The following MRPL50 variants were observed in gnomAD, a reference collection of about 807,000 sequenced individuals.
MRPL50 encodes the protein mitochondrial ribosomal protein L50.
MRPL50 carries 10 observed loss-of-function variants against 16.2 expected under a neutral mutation model. The observed-to-expected ratio is 0.62, with a 90% CI of 0.38 to 1.05. The LOEUF (loss-of-function observed/expected upper bound fraction) is 1.05, where lower values mean the gene tolerates loss of function less well. Ranked by LOEUF, MRPL50 falls within the 50% of genes least tolerant of loss-of-function variation. MRPL50 has a pLI of 0.01. For missense variants in MRPL50, 213 were observed against 187.1 expected (o/e 1.14, Z -0.81); for synonymous variants, 68 against 66.8 (o/e 1.02, Z -0.09).
chr9:101,391,062 A>G (rs1480017000), intron 1 of MRPL50, among the ~76,000 whole-genome samples: 4 of 152,122 alleles, frequency 2.6e-5, no homozygotes, highest in Non-Finnish European at 5.9e-5. Context: ...CATATTTTAC[A>G]TACTGTAAGA....
intron 1 of MRPL50, among the ~76,000 whole-genome samples, chr9:101,391,638 A>G (rs1258379123): frequency 6.6e-6 from 1 of 152,132 alleles, no homozygotes; most frequent in African/African-American, 2.4e-5. Context: ...AGCATATAAC[A>G]ATTATAAATA....
At chr9:101,395,444 C>G (rs1265815173) in intron 1 of MRPL50, among the ~76,000 whole-genome samples, 1 of 152,090 alleles carries the variant, frequency 6.6e-6, no homozygotes, top group African/African-American at 2.4e-5. Flanking sequence ...GTTAATCAGT[C>G]TAACAGAGAT....
chr9:101,388,378 T>C lies in MRPL50; in HGVS notation c.*2088A>G, dbSNP rs1304515007. The C allele has an allele frequency of 1.3e-5, 2 of 152,216 alleles. No individual in the cohort carries two copies. Among genetic ancestry groups the C allele is most frequent in the South Asian group, 2.1e-4 (1 of 4,826 alleles). 9.4% of individuals were successfully genotyped at this position (152,216 alleles called of 1,614,324 possible). A position where few individuals can be genotyped will look rare whatever the true frequency, so the allele number is the denominator to read the frequency against. On this transcript the variant is annotated 3_prime_UTR_variant, in exon 2 of 2. Transcript: ENST00000374865. ...GACCTTCTCATCCCTTATTTCCATC[T>C]TGCCCTTTGTTTTTCCGTGTCTCTG...
At position 101,390,591 on chromosome 9, in the gene MRPL50, G is replaced by A. The variant is rs765938903; in HGVS notation, c.352C>T (p.His118Tyr). 6.2e-7 allele frequency: 1 copy of A among 1,613,534 alleles called. No individual in the cohort carries two copies. Among genetic ancestry groups the A allele is most frequent in the South Asian group, 1.1e-5 (1 of 91,058 alleles). Residue 118 changes from histidine (H) to tyrosine (Y), a missense_variant, in exon 2 of 2, where the codon CAC becomes TAC. Physicochemically the swap from His to Tyr is moderately conservative, Grantham distance 83. Coordinates refer to ENST00000374865, the MANE Select transcript of MRPL50 (RefSeq NM_019051.3). ...LGHVVPNSRL[H>Y]QMCRVRDVLD... The stretch of plus-strand genomic sequence containing the variant: ...ACATCTCTAACCCTGCACATCTGGT[G>A]GAGTCTGGAGTTAGGGACTACATGA...
rs776354572 is a variant in MRPL50, at chr9:101,389,762, T to C, written c.*704A>G. Reference sequence around the variant, plus strand: ...ACTCAGCACCACTTTTTAAAAGTTATAGAGAAAAAGGTTTAAAATAAGCAT... The same window carrying C: ...ACTCAGCACCACTTTTTAAAAGTTACAGAGAAAAAGGTTTAAAATAAGCAT... On this transcript the variant is annotated 3_prime_UTR_variant, in exon 2 of 2. Transcript: ENST00000374865. 9.3e-6 allele frequency: 2 copies of C among 214,198 alleles called. No homozygotes were observed. Among genetic ancestry groups the C allele is most frequent in the Non-Finnish European group, 1.8e-5 (2 of 112,222 alleles). The allele number at this position is 214,198 out of a possible 1,614,324, so 13.3% of individuals were successfully genotyped here. A position where few individuals can be genotyped will look rare whatever the true frequency, so the allele number is the denominator to read the frequency against.
At chr9:101,396,541 C>CT (rs1830342450) in intron 1 of MRPL50, among the ~76,000 whole-genome samples, 2 of 151,976 alleles carry the variant, frequency 1.3e-5, no homozygotes, top group South Asian at 4.1e-4. Flanking sequence ...TTTATTCAGC[C>CT]TTAAAAAAGG....
At chr9:101,398,146 C>T (rs1211939117) in intron 1 of MRPL50, among the ~76,000 whole-genome samples, 1 of 152,174 alleles carries the variant, frequency 6.6e-6, no homozygotes, top group African/African-American at 2.4e-5. Context: ...TGTGAAGAAA[C>T]ACAGCCGGCA....
In MRPL50 at chr9:101,390,406, T is replaced by C. The variant is rs1302500030; in HGVS notation, c.*60A>G. ...CATGGTAAAGTATCAAAAGATCTAA[T>C]GAGCAGCCCCCTTGCTCAGGGAAAG... On this transcript the variant is annotated 3_prime_UTR_variant, in exon 2 of 2. Transcript: ENST00000374865. 2 of 1,541,744 alleles carry C rather than the reference T, an allele frequency of 1.3e-6. No individual in the cohort carries two copies. Among genetic ancestry groups the C allele is most frequent in the Non-Finnish European group, 1.7e-6 (2 of 1,147,724 alleles).
rs1279594966 is a variant in MRPL50, at chr9:101,390,805, C to T, written c.138G>A (p.Lys46=). The part of the protein sequence containing the change: ...PVVVETVEEK[K]EPILVCPPLR... ...AAGGTGGACACACTAGGATAGGTTCCTTTTTCTCTTCTACTGTCTCAACAA... is the reference window on the plus strand; with the variant it reads ...AAGGTGGACACACTAGGATAGGTTCTTTTTTCTCTTCTACTGTCTCAACAA... Residue 46 remains lysine (K), a synonymous_variant, in exon 2 of 2, where the codon AAG becomes AAA. Transcript: ENST00000374865. 1.2e-6 allele frequency: 2 copies of T among 1,610,982 alleles called. No individual in the cohort carries two copies. Among genetic ancestry groups the T allele is most frequent in the Admixed American group, 3.4e-5 (2 of 59,512 alleles).
intron 1 of MRPL50, among the ~76,000 whole-genome samples, chr9:101,394,010 A>AG (rs1261452378): frequency 1.3e-5 from 2 of 150,612 alleles, no homozygotes; most frequent in Admixed American, 6.6e-5. Flanking sequence ...AAAAAAAAAA[A>AG]AAGACCACAC....
Position 101,390,484 on chromosome 9 carries a change from T to G in MRPL50, c.459A>C (p.Lys153Asn). 6.2e-7 allele frequency: 1 copy of G among 1,611,262 alleles called. No individual in the cohort carries two copies. The highest frequency in any genetic ancestry group is 8.5e-7 in the Non-Finnish European group (1 of 1,178,440). Residue 153 changes from lysine (K) to asparagine (N), a missense_variant, in exon 2 of 2, where the codon AAA becomes AAC. By Grantham distance (94) the Lys-to-Asn change is moderately conservative. Coordinates refer to ENST00000374865, the MANE Select transcript of MRPL50 (RefSeq NM_019051.3). ...GAATTGCTTAGTAACTCCAAGTGAT[T>G]TTCAAATTGGGGGGCAGATTACTGG... ...LSASNLPPNL[K>N]ITWSY
intron 1 of MRPL50, among the ~76,000 whole-genome samples, chr9:101,396,371 A>C (rs1057506213): frequency 6.6e-6 from 1 of 152,236 alleles, no homozygotes; most frequent in Non-Finnish European, 1.5e-5. Flanking sequence ...TCATTGCAGC[A>C]TGTGTGTATA....
At chr9:101,398,468 G>A in intron 1 of MRPL50, 33 bp downstream of exon 1, 1 of 1,586,376 alleles carries the variant, frequency 6.3e-7, no homozygotes. Flanking sequence ...AACTTTCCTT[G>A]AACATGACCC....
chr9:101,396,206 T>C (rs1251201250), intron 1 of MRPL50, among the ~76,000 whole-genome samples: 4 of 152,202 alleles, frequency 2.6e-5, no homozygotes, highest in African/African-American at 7.2e-5. Context: ...TGGGAATGAA[T>C]ATTGGCATAG....
rs1472196185 is a variant in MRPL50, at chr9:101,387,711, C to T, written c.*2755G>A. Reference sequence around the variant, plus strand: ...AAACCATTCTATTGAGTCTGAATCTCTATTTTATTAGCAGGCTTTATTTAA... The same window carrying T: ...AAACCATTCTATTGAGTCTGAATCTTTATTTTATTAGCAGGCTTTATTTAA... On this transcript the variant is annotated 3_prime_UTR_variant, in exon 2 of 2. Transcript: ENST00000374865. 2 of 152,054 alleles carry T rather than the reference C, an allele frequency of 1.3e-5. No homozygotes were observed. The highest frequency in any genetic ancestry group is 4.8e-5 in the African/African-American group (2 of 41,418). The allele number at this position is 152,054 out of a possible 1,614,324, so 9.4% of individuals were successfully genotyped here.
chr9:101,396,998 C>T (rs1830354001), intron 1 of MRPL50, among the ~76,000 whole-genome samples: 1 of 151,966 alleles, frequency 6.6e-6, no homozygotes. Context: ...TGGTGGCTAC[C>T]AGGGGTGGCG....
rs571666147 is a variant in MRPL50, at chr9:101,388,749, C to G, written c.*1717G>C. 1 of 152,094 alleles carries G rather than the reference C, an allele frequency of 6.6e-6. No individual in the cohort carries two copies. Among genetic ancestry groups the G allele is most frequent in the Non-Finnish European group, 1.5e-5 (1 of 67,998 alleles). The allele number at this position is 152,094 out of a possible 1,614,324, so 9.4% of individuals were successfully genotyped here. ...AAATTTACCAAGACTGTGTGTTCCCCATCTGTGGATTCAACCAATTGTGGA... is the reference window on the plus strand; with the variant it reads ...AAATTTACCAAGACTGTGTGTTCCCGATCTGTGGATTCAACCAATTGTGGA... On this transcript the variant is annotated 3_prime_UTR_variant, in exon 2 of 2. Transcript: ENST00000374865.
chr9:101,395,064 C>A (rs1830322680), intron 1 of MRPL50, among the ~76,000 whole-genome samples: 2 of 151,764 alleles, frequency 1.3e-5, no homozygotes, highest in Admixed American at 6.6e-5. Context: ...TACAAGGAAC[C>A]CAAACAACTC....
intron 1 of MRPL50, among the ~76,000 whole-genome samples, chr9:101,397,454 T>C (rs1830369873): frequency 6.6e-6 from 1 of 152,230 alleles, no homozygotes; most frequent in Admixed American, 6.5e-5. Flanking sequence ...TCTAGTTTTC[T>C]TCATAATTTA....
Sources: allele counts gnomAD v4.1 joint callset (sites outside exome capture counted in the v4.1 genomes callset), GRCh38; gene constraint gnomAD v4.1.1; transcripts MANE v1.5; gene names NCBI Gene and HGNC (gene_info 2026-07-23, HGNC 2026-07-21).